Variants in PRKCE observed in about 807,000 individuals in gnomAD.
PRKCE encodes protein kinase C epsilon type.
In PRKCE, 16 loss-of-function variants were observed where a neutral mutation model predicts 85.4. The observed-to-expected ratio is 0.19, with a 90% confidence interval of 0.13 to 0.28. The LOEUF is 0.28. Among genes scored for constraint, PRKCE ranks in the 10% least tolerant of loss-of-function variants. The probability of loss-of-function intolerance (pLI) is 1.00; values close to 1 mark genes in which losing one functional copy is unlikely to be tolerated. For synonymous variants in PRKCE, 388 were observed against 371.5 expected, an observed-to-expected ratio of 1.04 and a Z score of -0.51; for missense variants, 573 against 975.2, an observed-to-expected ratio of 0.59 and a Z score of 5.49.
At chr2:46,103,186 A>G (rs1671399365) in intron 11 of PRKCE, among the ~76,000 whole-genome samples, 1 of 152,206 alleles carries the variant, frequency 6.6e-6, no homozygotes, top group Non-Finnish European at 1.5e-5. Context: ...TCGAATTATT[A>G]CAGATCTGCT....
chr2:46,181,182 C>T (rs1392016586), intron 14 of PRKCE, among the ~76,000 whole-genome samples: 2 of 152,180 alleles, frequency 1.3e-5, no homozygotes, highest in Non-Finnish European at 2.9e-5. Context: ...ATATAATCTG[C>T]AGTTCTTTGC....
intron 10 of PRKCE, among the ~76,000 whole-genome samples, chr2:46,050,036 G>C (rs1332684499): frequency 6.6e-6 from 1 of 152,236 alleles, no homozygotes; most frequent in East Asian, 1.9e-4. Flanking sequence ...AGTTCTTGCA[G>C]AATTGGAGGC....
chr2:45,654,029 C>T (rs1177347093), intron 1 of PRKCE, among the ~76,000 whole-genome samples: 1 of 152,122 alleles, frequency 6.6e-6, no homozygotes, highest in East Asian at 1.9e-4. Context: ...CAGAGGTAGA[C>T]CTTGACTCTG....
chr2:45,712,827 C>T (rs1381404549), intron 1 of PRKCE, among the ~76,000 whole-genome samples: 1 of 152,160 alleles, frequency 6.6e-6, no homozygotes, highest in African/African-American at 2.4e-5. Context: ...TGTTCAACTC[C>T]TCCAGCACAC....
intron 2 of PRKCE, among the ~76,000 whole-genome samples, chr2:45,961,738 C>T (rs536213606): frequency 2.0e-5 from 3 of 152,058 alleles, no homozygotes; most frequent in South Asian, 4.2e-4. Context: ...TTTTGTTGTC[C>T]GGGCTGGAGT....
intron 1 of PRKCE, among the ~76,000 whole-genome samples, chr2:45,744,491 C>CTT (rs1558623891): frequency 6.3e-5 from 3 of 47,660 alleles, no homozygotes; most frequent in African/African-American, 1.9e-4. Flanking sequence ...CTTTCTTTTT[C>CTT]TTTCTTTCTT....
At chr2:45,822,499 G>GT (rs1228404675) in intron 1 of PRKCE, among the ~76,000 whole-genome samples, 2 of 152,250 alleles carry the variant, frequency 1.3e-5, no homozygotes, top group Non-Finnish European at 2.9e-5. Flanking sequence ...GTTGCTGGAT[G>GT]TGGACACAAG....
chr2:45,885,795 G>A lies in PRKCE; in HGVS notation c.412+42732G>A, dbSNP rs556226243. Among the ~76,000 whole-genome samples the A allele has an allele frequency of 3.3e-5, 5 of 152,334 alleles. No individual in the cohort carries two copies. In the South Asian group the frequency reaches 1.0e-3, roughly 32 times the overall value. ...CAGTTAAAAACAAATCCACAAATTT[G>A]TGGGTTTTGGGTGCTTTGATTTTTG... On this transcript the variant is annotated intron_variant, in intron 2 of 14. Coordinates refer to ENST00000306156, the MANE Select transcript of PRKCE (RefSeq NM_005400.3).
At chr2:45,930,827 G>A (rs1239524402) in intron 2 of PRKCE, among the ~76,000 whole-genome samples, 1 of 152,092 alleles carries the variant, frequency 6.6e-6, no homozygotes, top group Non-Finnish European at 1.5e-5. Context: ...GAGATAAGAA[G>A]CTTGATGTGC....
At chr2:46,100,410 G>T (rs1438963913) in intron 11 of PRKCE, among the ~76,000 whole-genome samples, 3 of 152,192 alleles carry the variant, frequency 2.0e-5, no homozygotes, top group African/African-American at 4.8e-5. Flanking sequence ...TTGCCAAGTT[G>T]TATTTGCTCC....
At chr2:46,142,098 A>C (rs146157842) in intron 11 of PRKCE, among the ~76,000 whole-genome samples, 2 of 152,066 alleles carry the variant, frequency 1.3e-5, no homozygotes, top group Non-Finnish European at 2.9e-5. Flanking sequence ...CTGGTAAGAA[A>C]ACCATGAAGG....
chr2:45,756,542 G>A (rs1573222281), intron 1 of PRKCE, among the ~76,000 whole-genome samples: 1 of 152,204 alleles, frequency 6.6e-6, no homozygotes, highest in East Asian at 1.9e-4. Flanking sequence ...TGTCATGAAT[G>A]TTCATAGCAG....
intron 1 of PRKCE, among the ~76,000 whole-genome samples, chr2:45,794,845 AC>A (rs33982229): frequency 0.33 from 39,984 of 122,424 alleles, 6,637 homozygotes; most frequent in African/African-American, 0.43. Context: ...TTATTGCCCT[AC>A]CCCCCCCCCC....
chr2:45,768,012 G>C (rs1421906537), intron 1 of PRKCE, among the ~76,000 whole-genome samples: 1 of 152,246 alleles, frequency 6.6e-6, no homozygotes, highest in African/African-American at 2.4e-5. Context: ...CTGGAGAGGA[G>C]CTATTCCTTG....
intron 1 of PRKCE, chr2:45,675,521 C>A (rs113453487): frequency 6.6e-6 from 1 of 152,150 alleles, no homozygotes; most frequent in Non-Finnish European, 1.5e-5. Flanking sequence ...ATGAATTATT[C>A]TCCTGGGTAT....
intron 2 of PRKCE, among the ~76,000 whole-genome samples, chr2:45,849,926 AC>A (rs959893511): frequency 6.6e-6 from 1 of 152,154 alleles, no homozygotes; most frequent in Admixed American, 6.5e-5. Context: ...ACCAGATGAG[AC>A]CAAGGGGATC....
chr2:45,834,967 G>A (rs1348456831), intron 1 of PRKCE, among the ~76,000 whole-genome samples: 1 of 152,220 alleles, frequency 6.6e-6, no homozygotes, highest in East Asian at 1.9e-4. Context: ...CATTTTGGAT[G>A]TGTTTATCTT....
chr2:45,977,048 G>A lies in PRKCE; in HGVS notation c.572+460G>A, dbSNP rs902199098. 4.0e-5 allele frequency among the ~76,000 whole-genome samples: 6 copies of A among 151,800 alleles called. No homozygotes were observed. In the South Asian group the frequency reaches 6.2e-4, roughly 16 times the overall value. ...CATAGCTGGGATTACAGGAGCACAC[G>A]ACCACGCCTGGCTAATTTTTGTATT... On this transcript the variant is annotated intron_variant, in intron 3 of 14. Transcript: ENST00000306156.
rs902727372 is a variant in PRKCE, at chr2:45,895,116, C to A, written c.412+52053C>A. Among the ~76,000 whole-genome samples the A allele has an allele frequency of 2.0e-5, 3 of 152,122 alleles. No individual in the cohort carries two copies. The highest frequency in any genetic ancestry group is 1.5e-5 in the Non-Finnish European group (1 of 68,028). ...TTAAGCATTAGTTGTGAGCATTTGG[C>A]CACGTGGTAGGGAGAATGAAAAGGC... On this transcript the variant is annotated intron_variant, in intron 2 of 14. Transcript: ENST00000306156. The surrounding 1 kb of genome is among the most constrained non-coding windows in gnomAD (Gnocchi z 4.8).
Sources: allele counts gnomAD v4.1 joint callset (sites outside exome capture counted in the v4.1 genomes callset), GRCh38; gene constraint gnomAD v4.1.1; non-coding constraint Gnocchi (gnomAD v3.1); transcripts MANE v1.5; gene names NCBI Gene and HGNC (gene_info 2026-07-23, HGNC 2026-07-21).